The following RRAGC variants were observed in gnomAD, a reference collection of about 807,000 sequenced individuals.
RRAGC encodes Ras related GTP binding C, also known as ras-related GTP-binding protein C.
In RRAGC, 8 loss-of-function variants were observed where a neutral mutation model predicts 37.1. The observed-to-expected ratio is 0.22, with a 90% CI of 0.13 to 0.39. The LOEUF (loss-of-function observed/expected upper bound fraction) is 0.39, where lower values mean the gene tolerates loss of function less well. RRAGC is among the 10% of genes least tolerant of loss of function. RRAGC has a pLI of 1.00. For synonymous variants in RRAGC, 190 were observed against 181.1 expected (o/e 1.05, Z -0.39); for missense variants, 342 against 497.6 (o/e 0.69, Z 2.98).
At chr1:38,849,590 A>C (rs1337717963) in intron 5 of RRAGC, among the ~76,000 whole-genome samples, 2 of 152,114 alleles carry the variant, frequency 1.3e-5, no homozygotes, top group Non-Finnish European at 2.9e-5. Context: ...CGGGAGGCTG[A>C]GGCAGGAGAA....
Position 38,859,707 on chromosome 1 carries a change from G to C in RRAGC, c.-61C>G. On this transcript the variant is annotated 5_prime_UTR_variant, in exon 1 of 7. Transcript: ENST00000373001. The stretch of plus-strand genomic sequence containing the variant: ...CCAGGCCAGGCCGAGCCAGGCCGCC[G>C]CCTCCCCAGTCCGCCTCCGCCGCCG... 3.0e-6 allele frequency: 4 copies of C among 1,313,360 alleles called. 1 individual carries two copies. In the South Asian group the frequency reaches 8.2e-5, roughly 27 times the overall value. 81.4% of individuals were successfully genotyped at this position (1,313,360 alleles called of 1,614,324 possible). A position where few individuals can be genotyped will look rare whatever the true frequency, so the allele number is the denominator to read the frequency against.
At chr1:38,846,190 G>C in intron 5 of RRAGC, 103 bp from the exon 6 acceptor site, 1 of 894,654 alleles carries the variant, frequency 1.1e-6, no homozygotes, top group East Asian at 2.5e-5. Context: ...ATGTCTCTGG[G>C]AAAGAATACT....
At chr1:38,839,776 C>T in intron 6 of RRAGC, 72 bp from the exon 7 acceptor site, 1 of 1,465,078 alleles carries the variant, frequency 6.8e-7, no homozygotes, top group Non-Finnish European at 9.5e-7. Context: ...GGTTTGCAGC[C>T]AAAAATAACT....
chr1:38,843,293 G>C (rs1343947539), intron 6 of RRAGC, among the ~76,000 whole-genome samples: 1 of 151,986 alleles, frequency 6.6e-6, no homozygotes, highest in African/African-American at 2.4e-5. Flanking sequence ...ATCATGTTGG[G>C]GCAATGGAGT....
At position 38,859,279 on chromosome 1, in the gene RRAGC, G is replaced by GC. The variant is rs573820767; in HGVS notation, c.237+130dup. ...CCGCGCGGGCCGCGCCTGTGCGCTC[G>GC]CAAGAGTGGAAGAGAAAGTGCGGAG... On this transcript the variant is annotated intron_variant, in intron 1 of 6. Coordinates refer to ENST00000373001, the MANE Select transcript of RRAGC (RefSeq NM_022157.4). 6.4e-4 allele frequency: 571 copies of GC among 885,596 alleles called. 8 individuals are homozygous for GC. In the African/African-American group the frequency reaches 9.1e-3, roughly 14 times the overall value. 54.9% of individuals were successfully genotyped at this position (885,596 alleles called of 1,614,324 possible). A position where few individuals can be genotyped will look rare whatever the true frequency, so the allele number is the denominator to read the frequency against.
intron 3 of RRAGC, 83 bp from the exon 4 acceptor site, chr1:38,852,571 T>C: frequency 1.4e-6 from 1 of 692,798 alleles, no homozygotes; most frequent in Non-Finnish European, 2.5e-6. Context: ...AATTTTAAGT[T>C]TCTTAACATT....
chr1:38,848,219 A>G (rs1642051293), intron 5 of RRAGC: 1 of 152,142 alleles, frequency 6.6e-6, no homozygotes, highest in South Asian at 2.1e-4. Flanking sequence ...TTTTAAGAGT[A>G]TAGAAGAAAA....
chr1:38,850,374 C>T (rs1299673595), intron 5 of RRAGC, among the ~76,000 whole-genome samples: 1 of 150,654 alleles, frequency 6.6e-6, no homozygotes, highest in East Asian at 2.0e-4. Flanking sequence ...ATTAGCCAGG[C>T]GTTGTGGCGG....
At chr1:38,846,846 T>G (rs1642033628) in intron 5 of RRAGC, 1 of 152,212 alleles carries the variant, frequency 6.6e-6, no homozygotes, top group African/African-American at 2.4e-5. Context: ...CTCACACTTG[T>G]AATCCCAGCA....
At chr1:38,852,346 G>T in intron 4 of RRAGC, 28 bp downstream of exon 4, 2 of 1,144,224 alleles carry the variant, frequency 1.7e-6, no homozygotes, top group Non-Finnish European at 2.6e-6. Context: ...AGAAGCTGCA[G>T]TGAATTAAAT....
intron 5 of RRAGC, among the ~76,000 whole-genome samples, chr1:38,850,512 T>TA (rs1642087059): frequency 2.0e-5 from 3 of 147,794 alleles, no homozygotes; most frequent in African/African-American, 5.0e-5. Context: ...AGACTCCGTT[T>TA]AATAAATAAA....
At chr1:38,859,179 C>T (rs1180144387) in intron 1 of RRAGC, among the ~76,000 whole-genome samples, 1 of 152,258 alleles carries the variant, frequency 6.6e-6, no homozygotes, top group African/African-American at 2.4e-5. Flanking sequence ...GCACCTGCCT[C>T]CCGGCAACCA....
rs1553154390 is a variant in RRAGC, at chr1:38,859,732, G to GCCGCCACCA, written c.-95_-87dup. ...GCCTCCCCAGTCCGCCTCCGCCGCC[G>GCCGCCACCA]CCGCCACCACCGCCACCGCCCCCGG... On this transcript the variant is annotated 5_prime_UTR_variant, in exon 1 of 7. Coordinates refer to ENST00000373001, the MANE Select transcript of RRAGC (RefSeq NM_022157.4). The GCCGCCACCA allele has an allele frequency of 1.9e-4, 221 of 1,156,734 alleles. 1 individual carries two copies. The highest frequency in any genetic ancestry group is 1.1e-3 in the South Asian group (28 of 24,772). The allele number at this position is 1,156,734 out of a possible 1,614,324, so 71.7% of individuals were successfully genotyped here.
At chr1:38,847,662 A>AATT (rs1455713822) in intron 5 of RRAGC, 4 of 152,082 alleles carry the variant, frequency 2.6e-5, no homozygotes, top group African/African-American at 7.2e-5. Context: ...TGAGGACACG[A>AATT]ATTATTACTA....
At chr1:38,853,832 C>A (rs1355056032) in intron 3 of RRAGC, among the ~76,000 whole-genome samples, 1 of 151,772 alleles carries the variant, frequency 6.6e-6, no homozygotes, top group Non-Finnish European at 1.5e-5. Context: ...TGTAAGAGCA[C>A]TGGAACAGGT....
rs767780370 is a variant in RRAGC at position 38,846,136 on chromosome 1, C to G, written c.900-49G>C. 4.1e-6 allele frequency: 6 copies of G among 1,446,880 alleles called. No homozygotes were observed. In the Admixed American group the frequency reaches 9.8e-5, roughly 24 times the overall value. 89.6% of individuals were successfully genotyped at this position (1,446,880 alleles called of 1,614,324 possible). On this transcript the variant is annotated intron_variant, in intron 5 of 6. Coordinates refer to ENST00000373001, the MANE Select transcript of RRAGC (RefSeq NM_022157.4). ...CATTACAGGTTTCCCATCTAGGCAT[C>G]TGCCACATTTAATCTGCACAATGAC...
chr1:38,840,333 C>T (rs1570857544), intron 6 of RRAGC, among the ~76,000 whole-genome samples: 1 of 152,134 alleles, frequency 6.6e-6, no homozygotes, highest in South Asian at 2.1e-4. Flanking sequence ...ACTGTGTGGC[C>T]TGCTTGAACA....
At chr1:38,850,612 A>C (rs1419550002) in intron 5 of RRAGC, among the ~76,000 whole-genome samples, 1 of 152,112 alleles carries the variant, frequency 6.6e-6, no homozygotes, top group Non-Finnish European at 1.5e-5. Context: ...AGACAAATGT[A>C]CTCTCCTACT....
intron 5 of RRAGC, 32 bp downstream of exon 5, chr1:38,851,583 T>A: frequency 1.4e-6 from 2 of 1,466,642 alleles, no homozygotes; most frequent in Non-Finnish European, 1.8e-6. Flanking sequence ...TCCGCCTGTC[T>A]GAGATATTGC....
Sources: allele counts gnomAD v4.1 joint callset (sites outside exome capture counted in the v4.1 genomes callset), GRCh38; gene constraint gnomAD v4.1.1; transcripts MANE v1.5; gene names NCBI Gene and HGNC (gene_info 2026-07-23, HGNC 2026-07-21).